UBTF: variants seen among roughly 807,000 people sequenced by gnomAD.
UBTF encodes nucleolar transcription factor 1.
Under a neutral mutation model 112.3 loss-of-function variants are expected in UBTF, and 8 were observed. The ratio of observed to expected loss-of-function variants is 0.07; its 90% CI spans 0.04 to 0.13. UBTF has a LOEUF of 0.13. Among genes scored for constraint, UBTF ranks in the 10% least tolerant of loss-of-function variants. The pLI, the probability that UBTF is intolerant of heterozygous loss-of-function variation, is 1.00. For synonymous variants in UBTF, 417 were observed against 373.1 expected, an observed-to-expected ratio of 1.12 and a Z score of -1.36; for missense variants, 457 against 982.1, an observed-to-expected ratio of 0.47 and a Z score of 7.15.
chr17:44,208,439 C>A (rs1204966471), intron 17 of UBTF, among the ~76,000 whole-genome samples: 1 of 152,188 alleles, frequency 6.6e-6, no homozygotes, highest in African/African-American at 2.4e-5. Context: ...TACCCAGAGT[C>A]CTTCTCTAAA....
At position 44,207,246 on chromosome 17, in the gene UBTF, T is replaced by C. The variant is rs776223010; in HGVS notation, c.2291A>G (p.Asn764Ser). 3.1e-6 allele frequency: 5 copies of C among 1,613,528 alleles called. No homozygotes were observed. Among genetic ancestry groups the C allele is most frequent in the South Asian group, 1.1e-5 (1 of 90,894 alleles). ...SSGDSSDSDSN is the reference protein window; with the variant it reads ...SSGDSSDSDSS Reference sequence around the variant, plus strand: ...GCCCTGGGGTGGGGCTGAGCCTCAGTTGGAGTCAGAGTCTGAGGAGTCCCC... The same window carrying C: ...GCCCTGGGGTGGGGCTGAGCCTCAGCTGGAGTCAGAGTCTGAGGAGTCCCC... The change falls in exon 21 of 21, where the codon AAC becomes AGC. Residue 764 changes from asparagine to serine, a missense_variant. Asn to Ser is a conservative substitution (Grantham distance 46, BLOSUM62 1). Transcript: ENST00000436088.
chr17:44,214,866 CTTT>C (rs2046768738), intron 5 of UBTF, among the ~76,000 whole-genome samples: 2 of 152,312 alleles, frequency 1.3e-5, no homozygotes, highest in South Asian at 2.1e-4. Context: ...CGTGTCTCTT[CTTT>C]GTGTCCTCTG....
upstream of UBTF, chr17:44,219,892 C>A (rs889399326): frequency 6.6e-6 from 1 of 151,108 alleles, no homozygotes; most frequent in African/African-American, 2.4e-5. Flanking sequence ...AGCGCCAGCC[C>A]GCCCGCCTCG....
chr17:44,215,205 G>C (rs2046787161), intron 5 of UBTF: 1 of 165,650 alleles, frequency 6.0e-6, no homozygotes, highest in Non-Finnish European at 1.3e-5. Context: ...GTGTCACCCG[G>C]GACACTTAAC....
chr17:44,211,283 C>T lies in UBTF; in HGVS notation c.1089+7G>A. ...TCTGCCCACTGCCCCACCGGAGGAA[C>T]ACTCACCTCGAGGAAACGGAGCAGC... On this transcript the variant is annotated splice_region_variant and intron_variant, in intron 11 of 20. Coordinates refer to ENST00000436088, the MANE Select transcript of UBTF (RefSeq NM_014233.4). This position sits in a 1 kb window ranked among gnomAD's most constrained non-coding sequence, Gnocchi z 4.9. 6.2e-7 allele frequency: 1 copy of T among 1,614,254 alleles called. No individual in the cohort carries two copies. The highest frequency in any genetic ancestry group is 2.2e-5 in the East Asian group (1 of 44,884).
At chr17:44,219,089 C>G (rs1200623366) in intron 1 of UBTF, 1 of 150,234 alleles carries the variant, frequency 6.7e-6, no homozygotes, top group Non-Finnish European at 1.5e-5. Context: ...CCCGCCGGCG[C>G]CCCCGCCCCG....
At position 44,209,421 on chromosome 17, in the gene UBTF, C is replaced by T. The variant is rs140445216; in HGVS notation, c.1836G>A (p.Lys612=). ...CCTCGGCCAGCTTTTTGTAGTGCTC[C>T]TTCTGGCTCTGGGAGATGCGCTGCC... ...SRWQRISQSQ[K]EHYKKLAEEQ... Residue 612 remains lysine (K), a synonymous_variant, in exon 17 of 21, where the codon AAG becomes AAA. Transcript: ENST00000436088. 1.5e-3 allele frequency: 2,413 copies of T among 1,614,152 alleles called. 40 individuals are homozygous for T. In the Admixed American group the frequency reaches 0.022, roughly 15 times the overall value.
Position 44,207,352 on chromosome 17 carries a change from C to T in UBTF, c.2185G>A (p.Glu729Lys). 1 of 1,612,778 alleles carries T rather than the reference C, an allele frequency of 6.2e-7. No individual in the cohort carries two copies. Among genetic ancestry groups the T allele is most frequent in the Non-Finnish European group, 8.5e-7 (1 of 1,179,458 alleles). The change falls in exon 21 of 21, where the codon GAG (glutamate) becomes AAG (lysine). Residue 729 changes from glutamate to lysine, a missense_variant. Glu to Lys is a moderately conservative substitution (Grantham distance 56, BLOSUM62 1). Around this residue, in one of 7 missense-constraint regions of UBTF, gnomAD observed 139 missense variants for 157.5 expected, o/e 0.88. Transcript: ENST00000436088. ...TCATCCTCGTCGTCGTCTTCGTCCTCGTCATCCTCTTCATTCTGGGGGGTG... is the reference window on the plus strand; with the variant it reads ...TCATCCTCGTCGTCGTCTTCGTCCTTGTCATCCTCTTCATTCTGGGGGGTG... Reference protein sequence around the residue: ...EDGDENEEDDEDEDDDEDDDE... With the variant: ...EDGDENEEDDKDEDDDEDDDE...
intron 4 of UBTF, 44 bp downstream of exon 4, chr17:44,215,862 C>T: frequency 6.2e-7 from 1 of 1,614,042 alleles, no homozygotes. Context: ...CTTCTTTGGA[C>T]CTTTCCTCCC....
At chr17:44,209,094 G>GTT in intron 17 of UBTF, 1 of 291,050 alleles carries the variant, frequency 3.4e-6, no homozygotes, top group South Asian at 6.4e-5. Context: ...GCTTGAACCT[G>GTT]GGAGGTGGAG....
Position 44,211,006 on chromosome 17 carries a change from A to AC in UBTF, c.1203+32dup. 6.3e-7 allele frequency: 1 copy of AC among 1,599,468 alleles called. No individual in the cohort carries two copies. The stretch of plus-strand genomic sequence containing the variant: ...GCTGCCAGGGAGCCCAGTCTTGCCC[A>AC]CCCCCGCCTGCGCGGCCGCACCCTC... On this transcript the variant is annotated intron_variant, in intron 12 of 20. Coordinates refer to ENST00000436088, the MANE Select transcript of UBTF (RefSeq NM_014233.4). This position sits in a 1 kb window ranked among gnomAD's most constrained non-coding sequence, Gnocchi z 4.9.
In UBTF at chr17:44,211,081, G is replaced by A. The variant is rs2056644728; in HGVS notation, c.1161C>T (p.Ala387=). ...EKMLNINKKQ[A]TSPASKKPAQ... is the part of the protein sequence containing the mutation. ...CTGGCTTCTTGGAGGCGGGGCTGGT[G>A]GCCTGCTTCTTGTTGATGTTCAGCA... Residue 387 remains alanine (A), a synonymous_variant, in exon 12 of 21, where the codon GCC becomes GCT. Coordinates refer to ENST00000436088, the MANE Select transcript of UBTF (RefSeq NM_014233.4). This position sits in a 1 kb window ranked among gnomAD's most constrained non-coding sequence, Gnocchi z 4.9. 1 of 1,612,902 alleles carries A rather than the reference G, an allele frequency of 6.2e-7. No homozygotes were observed. Among genetic ancestry groups the A allele is most frequent in the East Asian group, 2.2e-5 (1 of 44,884 alleles).
intron 3 of UBTF, 47 bp from the exon 4 acceptor site, chr17:44,216,036 T>C (rs775135162): frequency 4.8e-6 from 7 of 1,455,232 alleles, no homozygotes; most frequent in Middle Eastern, 3.5e-4. Flanking sequence ...AAAAGGAAAA[T>C]GCCACACAGT....
chr17:44,213,067 G>A (rs1567800961), intron 6 of UBTF, 128 bp from the exon 7 acceptor site: 6 of 1,537,390 alleles, frequency 3.9e-6, no homozygotes, highest in African/African-American at 1.5e-5. Flanking sequence ...CTGCCTGCCT[G>A]TCTCTGTCCC....
intron 3 of UBTF, 50 bp from the exon 4 acceptor site, chr17:44,216,039 C>T (rs773946966): frequency 7.0e-7 from 1 of 1,430,782 alleles, no homozygotes; most frequent in South Asian, 1.1e-5. Context: ...AGGAAAATGC[C>T]ACACAGTAGT....
rs1310055649 is a variant in UBTF at position 44,211,949 on chromosome 17, T to G, written c.829A>C (p.Ile277Leu). ...GCCTTGGTGAGGGTGGACTTGGTGA[T>G]ACCCTCCTCACTGATGTTCAGCTCT... is the stretch of plus-strand genomic sequence containing the variant. Reference protein sequence around the residue: ...HPELNISEEGITKSTLTKAER... With the variant: ...HPELNISEEGLTKSTLTKAER... The change falls in exon 9 of 21, where the codon ATC becomes CTC. Residue 277 changes from isoleucine to leucine, a missense_variant. Around this residue, in one of 7 missense-constraint regions of UBTF, gnomAD observed 87 missense variants for 286.6 expected, o/e 0.30. Coordinates refer to ENST00000436088, the MANE Select transcript of UBTF (RefSeq NM_014233.4). This position sits in a 1 kb window ranked among gnomAD's most constrained non-coding sequence, Gnocchi z 4.9. 2.5e-6 allele frequency: 4 copies of G among 1,613,874 alleles called. No homozygotes were observed.
chr17:44,209,275 T>C, intron 17 of UBTF, 77 bp downstream of exon 17: 1 of 1,444,992 alleles, frequency 6.9e-7, no homozygotes, highest in Non-Finnish European at 9.3e-7. Context: ...CACAAGTGGG[T>C]GGATGGGCCA....
intron 5 of UBTF, 49 bp downstream of exon 5, chr17:44,215,605 G>C: frequency 6.2e-7 from 1 of 1,605,472 alleles, no homozygotes; most frequent in East Asian, 2.2e-5. Context: ...CACCACACCA[G>C]CTGCTCCCAG....
rs763102291 is a variant in UBTF at position 44,211,066 on chromosome 17, G to C, written c.1176C>G (p.Ser392=). ...TGCCCCCTTCCTGGGCTGGCTTCTTGGAGGCGGGGCTGGTGGCCTGCTTCT... is the reference window on the plus strand; with the variant it reads ...TGCCCCCTTCCTGGGCTGGCTTCTTCGAGGCGGGGCTGGTGGCCTGCTTCT... ...INKKQATSPA[S]KKPAQEGGKG... is the part of the protein sequence containing the mutation. Residue 392 remains serine (S), a synonymous_variant, in exon 12 of 21, where the codon TCC becomes TCG. Coordinates refer to ENST00000436088, the MANE Select transcript of UBTF (RefSeq NM_014233.4). This position sits in a 1 kb window ranked among gnomAD's most constrained non-coding sequence, Gnocchi z 4.9. 5 of 1,612,680 alleles carry C rather than the reference G, an allele frequency of 3.1e-6. No homozygotes were observed. The Admixed American group carries it at 8.3e-5, about 27-fold the overall frequency.
Sources: gnomAD v4.1 joint callset for allele counts (sites outside exome capture counted in the v4.1 genomes callset) on GRCh38, gnomAD v4.1.1 for gene constraint, gnomAD v4.1.1 regional missense constraint, Gnocchi (gnomAD v3.1) non-coding constraint, MANE v1.5 for transcripts, NCBI Gene and HGNC (gene_info 2026-07-23, HGNC 2026-07-21) for gene names.